Variants in RCN3 observed in about 807,000 individuals in gnomAD.
RCN3 encodes reticulocalbin 3.
In RCN3, 41 loss-of-function variants were observed where a neutral mutation model predicts 35.9. The observed-to-expected ratio is 1.14, with a 90% CI of 0.89 to 1.48. RCN3 has a LOEUF of 1.48. Among genes scored for constraint, RCN3 ranks in the 40% most tolerant of loss-of-function variants. RCN3 has a pLI of 0.00. For missense variants in RCN3, 451 were observed against 471.3 expected (o/e 0.96, Z 0.40); for synonymous variants, 187 against 193.4 (o/e 0.97, Z 0.27).
intron 3 of RCN3, among the ~76,000 whole-genome samples, 159 bp from the exon 4 acceptor site, chr19:49,536,874 G>A (rs563789356): frequency 7.9e-4 from 121 of 152,254 alleles, no homozygotes; most frequent in Non-Finnish European, 1.4e-3. Flanking sequence ...CCAAAGTGCT[G>A]CTATTACAGG....
rs960318827 is a variant in RCN3 at position 49,534,251 on chromosome 19, G to A, written c.301G>A (p.Glu101Lys). 2.0e-5 allele frequency: 30 copies of A among 1,470,476 alleles called. No individual in the cohort carries two copies. The South Asian group carries it at 2.0e-4, about 10-fold the overall frequency. The allele number at this position is 1,470,476 out of a possible 1,614,324, so 91.1% of individuals were successfully genotyped here. The part of the protein sequence containing the change: ...GDGDGWVSLA[E>K]LRAWIAHTQQ... ...CGGCGACGGCTGGGTGTCGCTGGCC[G>A]AGCTTCGCGCGTGGATCGCGCACAC... The change falls in exon 3 of 7, where the codon GAG becomes AAG. Residue 101 changes from glutamate to lysine, a missense_variant. Physicochemically the swap from Glu to Lys is moderately conservative, Grantham distance 56 (BLOSUM62 1). Coordinates refer to ENST00000270645, the MANE Select transcript of RCN3 (RefSeq NM_020650.3).
chr19:49,529,825 C>T (rs1039266675), intron 2 of RCN3, among the ~76,000 whole-genome samples: 9 of 152,014 alleles, frequency 5.9e-5, no homozygotes, highest in Non-Finnish European at 1.0e-4. Context: ...GGTGCGATCT[C>T]GGCTCACTGC....
intron 2 of RCN3, among the ~76,000 whole-genome samples, chr19:49,530,379 C>G (rs373141273): frequency 1.3e-5 from 2 of 151,110 alleles, no homozygotes; most frequent in Non-Finnish European, 2.9e-5. Flanking sequence ...CTGTGTTGCC[C>G]AGGCTGGTCT....
chr19:49,537,461 G>C (rs1166109727), intron 4 of RCN3, among the ~76,000 whole-genome samples: 1 of 151,660 alleles, frequency 6.6e-6, no homozygotes, highest in Non-Finnish European at 1.5e-5. Context: ...CAGGCCCCCA[G>C]CCTTCCCTCA....
intron 2 of RCN3, 66 bp from the exon 3 acceptor site, chr19:49,534,127 G>GC (rs149488043): frequency 0.078 from 107,214 of 1,381,750 alleles, 5,064 homozygotes; most frequent in African/African-American, 0.18. Context: ...AGGGGGCGTG[G>GC]CCCGTGCGAG....
At chr19:49,533,432 A>G (rs2080118424) in intron 2 of RCN3, among the ~76,000 whole-genome samples, 1 of 152,178 alleles carries the variant, frequency 6.6e-6, no homozygotes, top group African/African-American at 2.4e-5. Flanking sequence ...GGCGTCACCA[A>G]GGGAGAGGAG....
At chr19:49,541,990 A>G (rs1056106404) in intron 5 of RCN3, among the ~76,000 whole-genome samples, 1 of 151,634 alleles carries the variant, frequency 6.6e-6, no homozygotes, top group African/African-American at 2.4e-5. Flanking sequence ...TAAAAAAAAA[A>G]AGGGGGTGGG....
intron 3 of RCN3, among the ~76,000 whole-genome samples, chr19:49,535,710 C>T (rs373007472): frequency 5.9e-5 from 9 of 151,630 alleles, no homozygotes; most frequent in South Asian, 2.1e-4. Context: ...CTTAGCTGGG[C>T]GTGATGGTGT....
At chr19:49,531,660 C>T (rs2080108557) in intron 2 of RCN3, among the ~76,000 whole-genome samples, 1 of 152,000 alleles carries the variant, frequency 6.6e-6, no homozygotes, top group Admixed American at 6.6e-5. Flanking sequence ...GGCAGTGGTC[C>T]CCAGGACTGC....
rs1284507762 is a variant in RCN3 at position 49,542,726 on chromosome 19, C to T, written c.853C>T (p.Leu285=). 1 of 1,592,984 alleles carries T rather than the reference C, an allele frequency of 6.3e-7. No individual in the cohort carries two copies. Among genetic ancestry groups the T allele is most frequent in the East Asian group, 2.3e-5 (1 of 44,164 alleles). ...CCAGCCCCTGGTGGAAGCCAACCAC[C>T]TGCTGCACGAGAGCGACACGGACAA... ...QDQPLVEANH[L]LHESDTDKDG... Residue 285 remains leucine (L), a synonymous_variant, in exon 6 of 7, where the codon CTG becomes TTG. Coordinates refer to ENST00000270645, the MANE Select transcript of RCN3 (RefSeq NM_020650.3).
chr19:49,543,326 C>A lies in RCN3; in HGVS notation c.*113C>A. On this transcript the variant is annotated 3_prime_UTR_variant, in exon 7 of 7. Transcript: ENST00000270645. ...CGCAGGAGGCAGATGCAGTCCCAGG[C>A]ATCCTCCTGCCCCTGGGCTCTCAGG... 1 of 847,398 alleles carries A rather than the reference C, an allele frequency of 1.2e-6. No individual in the cohort carries two copies. Among genetic ancestry groups the A allele is most frequent in the Non-Finnish European group, 1.9e-6 (1 of 516,960 alleles). 52.5% of individuals were successfully genotyped at this position (847,398 alleles called of 1,614,324 possible).
intron 2 of RCN3, among the ~76,000 whole-genome samples, chr19:49,530,326 A>ATTT (rs774074543): frequency 7.6e-6 from 1 of 132,064 alleles, no homozygotes; most frequent in African/African-American, 2.8e-5. Context: ...CGCCCAGCTA[A>ATTT]TTTTTTTTTT....
chr19:49,530,549 T>G (rs1412714247), intron 2 of RCN3, among the ~76,000 whole-genome samples: 2 of 146,256 alleles, frequency 1.4e-5, no homozygotes, highest in African/African-American at 5.1e-5. Flanking sequence ...CAGGCTGGAG[T>G]GCAGTGGCGC....
At chr19:49,529,409 G>C (rs1368088282) in intron 2 of RCN3, among the ~76,000 whole-genome samples, 1 of 152,194 alleles carries the variant, frequency 6.6e-6, no homozygotes, top group Non-Finnish European at 1.5e-5. Context: ...GGTGAGCTGG[G>C]TGGAATGGAG....
rs779069975 is a variant in RCN3, at chr19:49,534,266, A to T, written c.316A>T (p.Ile106Phe). 46 of 1,464,536 alleles carry T rather than the reference A, an allele frequency of 3.1e-5. No homozygotes were observed. The highest frequency in any genetic ancestry group is 3.9e-5 in the Non-Finnish European group (43 of 1,110,988). The allele number at this position is 1,464,536 out of a possible 1,614,324, so 90.7% of individuals were successfully genotyped here. Residue 106 changes from isoleucine (I) to phenylalanine (F), a missense_variant, in exon 3 of 7, where the codon ATC (isoleucine) becomes TTC (phenylalanine). Ile to Phe is a conservative substitution (Grantham distance 21, BLOSUM62 0). Coordinates refer to ENST00000270645, the MANE Select transcript of RCN3 (RefSeq NM_020650.3). ...GTCGCTGGCCGAGCTTCGCGCGTGG[A>T]TCGCGCACACGCAGCAGCGGCACAT... ...WVSLAELRAWIAHTQQRHIRD... is the reference protein window; with the variant it reads ...WVSLAELRAWFAHTQQRHIRD...
At position 49,536,020 on chromosome 19, in the gene RCN3, CTT is replaced by C. The variant is rs2080133148; in HGVS notation, c.446-1012_446-1011del. On this transcript the variant is annotated intron_variant, in intron 3 of 6. Transcript: ENST00000270645. Reference sequence around the variant, plus strand: ...TTTTTTTTTGTGAGGGAGTTTTGCTCTTGTTGCCCAGGCTGGAGTGCAGTGGC... The same window carrying C: ...TTTTTTTTTGTGAGGGAGTTTTGCTCGTTGCCCAGGCTGGAGTGCAGTGGC... Among the ~76,000 whole-genome samples, 7 of 143,162 alleles carry C rather than the reference CTT, an allele frequency of 4.9e-5. No homozygotes were observed. The South Asian group carries it at 1.5e-3, about 31-fold the overall frequency. 93.9% of individuals were successfully genotyped at this position (143,162 alleles called of 152,430 possible).
At position 49,528,639 on chromosome 19, in the gene RCN3, A is replaced by G. The variant is rs138714642; in HGVS notation, c.167A>G (p.His56Arg). ...GCCCACGGGAACTTCCAGTACGACC[A>G]TGAGGCTTTCCTGGGACGGGAAGTG... ...DDAHGNFQYD[H>R]EAFLGREVAK... The change falls in exon 2 of 7, where the codon CAT becomes CGT. Residue 56 changes from histidine (H) to arginine (R), a missense_variant. By Grantham distance (29) the His-to-Arg change is conservative. Coordinates refer to ENST00000270645, the MANE Select transcript of RCN3 (RefSeq NM_020650.3). 3.3e-5 allele frequency: 54 copies of G among 1,612,126 alleles called. 1 individual carries two copies. The highest frequency in any genetic ancestry group is 1.8e-4 in the Admixed American group (11 of 59,802).
intron 2 of RCN3, among the ~76,000 whole-genome samples, chr19:49,530,784 C>T (rs577864147): frequency 6.6e-6 from 1 of 152,304 alleles, no homozygotes; most frequent in South Asian, 2.1e-4. Context: ...GCATGAGCCA[C>T]CGCACCCGGC....
Position 49,534,219 on chromosome 19 carries a change from C to A in RCN3, c.269C>A (p.Ala90Glu). 6.7e-7 allele frequency: 1 copy of A among 1,485,896 alleles called. No homozygotes were observed. Among genetic ancestry groups the A allele is most frequent in the Non-Finnish European group, 8.9e-7 (1 of 1,122,860 alleles). 92.0% of individuals were successfully genotyped at this position (1,485,896 alleles called of 1,614,324 possible). A position where few individuals can be genotyped will look rare whatever the true frequency, so the allele number is the denominator to read the frequency against. ...CGGATCGTGGACCGCATGGACCGCG[C>A]GGGGGACGGCGACGGCTGGGTGTCG... is the stretch of plus-strand genomic sequence containing the variant. ...LGRIVDRMDR[A>E]GDGDGWVSLA... Residue 90 changes from alanine to glutamate, a missense_variant, in exon 3 of 7, where the codon GCG becomes GAG. Physicochemically the swap from Ala to Glu is moderately radical, Grantham distance 107. Transcript: ENST00000270645.
Sources: gnomAD v4.1 joint callset for allele counts (sites outside exome capture counted in the v4.1 genomes callset) on GRCh38, gnomAD v4.1.1 for gene constraint, MANE v1.5 for transcripts, NCBI Gene and HGNC (gene_info 2026-07-23, HGNC 2026-07-21) for gene names.